MYRFL: variants seen among roughly 807,000 people sequenced by gnomAD.
The protein encoded by MYRFL is myelin regulatory factor-like protein.
In MYRFL, 88 loss-of-function variants were observed where a neutral mutation model predicts 109.4. That is an observed-to-expected ratio of 0.80 (90% CI 0.68 to 0.96). MYRFL has a LOEUF of 0.96. MYRFL is among the 40% of genes least tolerant of loss of function. The probability of loss-of-function intolerance (pLI) is 0.00; values close to 1 mark genes in which losing one functional copy is unlikely to be tolerated. For synonymous variants in MYRFL, 324 were observed against 320.9 expected (o/e 1.01, Z -0.10); for missense variants, 957 against 954.9 (o/e 1.00, Z -0.03).
At chr12:69,910,186 C>A in intron 12 of MYRFL, 109 bp downstream of exon 12, 1 of 720,600 alleles carries the variant, frequency 1.4e-6, no homozygotes, top group Non-Finnish European at 2.2e-6. Flanking sequence ...CTATGTTGAT[C>A]TAACTTGTTC....
Position 69,891,161 on chromosome 12 carries a change from A to G in MYRFL, c.898A>G (p.Thr300Ala). 6 of 1,515,004 alleles carry G rather than the reference A, an allele frequency of 4.0e-6. No homozygotes were observed. The highest frequency in any genetic ancestry group is 5.3e-6 in the Non-Finnish European group (6 of 1,138,032). The allele number at this position is 1,515,004 out of a possible 1,614,324, so 93.8% of individuals were successfully genotyped here. ...AATGTTTTACTTGAAAGTTTTTGGC[A>G]CTAAGGTATGTCTTTTATTTAGTTC... is the stretch of plus-strand genomic sequence containing the variant. ...IEMFYLKVFG[T>A]KVEATNQIIA... Residue 300 changes from threonine to alanine, a missense_variant, in exon 7 of 25, where the codon ACT (threonine) becomes GCT (alanine). Coordinates refer to ENST00000552032, the MANE Select transcript of MYRFL (RefSeq NM_182530.3).
At chr12:69,873,222 G>A (rs556021930) in intron 2 of MYRFL, among the ~76,000 whole-genome samples, 3 of 152,158 alleles carry the variant, frequency 2.0e-5, no homozygotes, top group South Asian at 2.1e-4. Context: ...TAAAATACAC[G>A]AAGATTAATG....
intron 2 of MYRFL, among the ~76,000 whole-genome samples, chr12:69,872,967 A>G (rs1455242421): frequency 1.3e-5 from 2 of 152,222 alleles, no homozygotes; most frequent in Non-Finnish European, 2.9e-5. Context: ...ATCTTTTAAC[A>G]TCTAATGTAA....
chr12:69,832,031 T>C (rs1158225278), intron 1 of MYRFL, among the ~76,000 whole-genome samples: 1 of 152,156 alleles, frequency 6.6e-6, no homozygotes, highest in Non-Finnish European at 1.5e-5. Context: ...AGGAAATTAA[T>C]TGGCACTATT....
chr12:69,907,179 T>C (rs906096877), intron 11 of MYRFL, among the ~76,000 whole-genome samples: 1 of 152,210 alleles, frequency 6.6e-6, no homozygotes, highest in Non-Finnish European at 1.5e-5. Context: ...TTGGGAAGAC[T>C]ATAAGTCCAG....
chr12:69,924,367 G>A (rs11177969), intron 13 of MYRFL, among the ~76,000 whole-genome samples: 8,406 of 151,976 alleles, frequency 0.055, 753 homozygotes, highest in African/African-American at 0.19. Context: ...TTTTATTAAT[G>A]TAAGAAAATG....
chr12:69,839,455 GTTTTTA>G (rs1261391015), intron 1 of MYRFL, among the ~76,000 whole-genome samples: 1 of 152,040 alleles, frequency 6.6e-6, no homozygotes, highest in Non-Finnish European at 1.5e-5. Context: ...ACATGTCATT[GTTTTTA>G]TTAACTTTTA....
intron 5 of MYRFL, among the ~76,000 whole-genome samples, chr12:69,883,960 C>G (rs1886293113): frequency 6.6e-6 from 1 of 152,144 alleles, no homozygotes; most frequent in South Asian, 2.1e-4. Flanking sequence ...TCCATATAAA[C>G]TCTGCTATGG....
intron 1 of MYRFL, among the ~76,000 whole-genome samples, chr12:69,826,012 T>C (rs1341018780): frequency 6.6e-6 from 1 of 152,040 alleles, no homozygotes; most frequent in African/African-American, 2.4e-5. Flanking sequence ...AATCTAGGGA[T>C]CAGTCAGCAG....
At chr12:69,833,125 T>C (rs1011876367) in intron 1 of MYRFL, among the ~76,000 whole-genome samples, 2 of 152,054 alleles carry the variant, frequency 1.3e-5, no homozygotes, top group Non-Finnish European at 2.9e-5. Flanking sequence ...TTGGGAATCA[T>C]CAGCTTAAAG....
intron 19 of MYRFL, among the ~76,000 whole-genome samples, chr12:69,938,846 C>G (rs1037174437): frequency 6.6e-6 from 1 of 152,030 alleles, no homozygotes; most frequent in Non-Finnish European, 1.5e-5. Context: ...GCACCGTGCG[C>G]GAGCCGAAGC....
chr12:69,894,665 G>A (rs1566005447), intron 8 of MYRFL, among the ~76,000 whole-genome samples: 1 of 152,242 alleles, frequency 6.6e-6, no homozygotes. Flanking sequence ...CTGGTAGTAT[G>A]CAAAGCAATA....
intron 19 of MYRFL, 101 bp from the exon 20 acceptor site, chr12:69,952,012 G>T: frequency 6.7e-6 from 6 of 895,014 alleles, no homozygotes; most frequent in Non-Finnish European, 1.0e-5. Context: ...CAGAAAGGGT[G>T]GGGGAACACT....
Position 69,926,751 on chromosome 12 carries a change from T to C in MYRFL, c.1766+17T>C, listed in dbSNP as rs148356107. 3.5e-6 allele frequency: 5 copies of C among 1,415,946 alleles called. No homozygotes were observed. In the East Asian group the frequency reaches 1.3e-4, roughly 36 times the overall value. 87.7% of individuals were successfully genotyped at this position (1,415,946 alleles called of 1,614,324 possible). A position where few individuals can be genotyped will look rare whatever the true frequency, so the allele number is the denominator to read the frequency against. On this transcript the variant is annotated intron_variant, in intron 14 of 24. Transcript: ENST00000552032. ...CACAATCAGGTACGTGCAGCCAGGA[T>C]TGCCATAGAAATTTGGGGAAAGGAG...
chr12:69,946,066 A>G (rs188609641), intron 19 of MYRFL, among the ~76,000 whole-genome samples: 1 of 150,890 alleles, frequency 6.6e-6, no homozygotes, highest in East Asian at 2.0e-4. Flanking sequence ...ATAAGATTAT[A>G]TACAATTCTT....
At chr12:69,946,068 AC>A (rs964349318) in intron 19 of MYRFL, among the ~76,000 whole-genome samples, 4 of 151,168 alleles carry the variant, frequency 2.6e-5, no homozygotes, top group Admixed American at 6.6e-5. Context: ...AAGATTATAT[AC>A]AATTCTTCCA....
At chr12:69,860,069 G>C (rs989393663) in intron 2 of MYRFL, among the ~76,000 whole-genome samples, 1 of 152,114 alleles carries the variant, frequency 6.6e-6, no homozygotes, top group African/African-American at 2.4e-5. Context: ...GCATCCATTA[G>C]CTATTCTTCC....
chr12:69,832,746 G>A (rs185784558), intron 1 of MYRFL, among the ~76,000 whole-genome samples: 8 of 152,184 alleles, frequency 5.3e-5, no homozygotes, highest in African/African-American at 1.4e-4. Context: ...GGGGAGGGTG[G>A]TAGAAAATGA....
chr12:69,935,898 A>T, intron 16 of MYRFL: 1 of 581,636 alleles, frequency 1.7e-6, no homozygotes, highest in Non-Finnish European at 2.9e-6. Flanking sequence ...TGGAATACCT[A>T]GGAGCCTCTG....
Sources: gnomAD v4.1 joint callset for allele counts (sites outside exome capture counted in the v4.1 genomes callset) on GRCh38, gnomAD v4.1.1 for gene constraint, MANE v1.5 for transcripts, NCBI Gene and HGNC (gene_info 2026-07-23, HGNC 2026-07-21) for gene names.